Variants in EVA1A observed in about 807,000 individuals in gnomAD.
The protein encoded by EVA1A is protein eva-1 homolog A.
A neutral mutation model predicts 9.8 loss-of-function variants in EVA1A; 7 were observed. The observed-to-expected ratio is 0.71, with a 90% CI of 0.41 to 1.34. The LOEUF is 1.34. Ranked by LOEUF, EVA1A falls within the 40% of genes most tolerant of loss-of-function variation. The pLI is 0.01. For missense variants in EVA1A, 206 were observed against 205.9 expected, an observed-to-expected ratio of 1.00 and a Z score of 0.00; for synonymous variants, 90 against 85.6, an observed-to-expected ratio of 1.05 and a Z score of -0.28.
At chr2:75,517,687 G>A in intron 3 of EVA1A, 2 of 657,702 alleles carry the variant, frequency 3.0e-6, no homozygotes, top group South Asian at 1.8e-5. Context: ...TCACACACAG[G>A]CAGCCTGTGT....
intron 1 of EVA1A, among the ~76,000 whole-genome samples, chr2:75,549,464 T>A (rs1465910352): frequency 2.0e-5 from 3 of 152,116 alleles, no homozygotes; most frequent in Admixed American, 6.5e-5. Context: ...GAGAGTGCCC[T>A]GTCTGTCCAT....
intron 3 of EVA1A, among the ~76,000 whole-genome samples, chr2:75,504,753 A>G (rs1230327580): frequency 2.8e-5 from 4 of 144,236 alleles, no homozygotes; most frequent in African/African-American, 7.6e-5. Context: ...GAGTGGAACA[A>G]TGAGAACACA....
At chr2:75,549,370 C>T (rs1676450221) in intron 1 of EVA1A, among the ~76,000 whole-genome samples, 1 of 152,188 alleles carries the variant, frequency 6.6e-6, no homozygotes, top group Non-Finnish European at 1.5e-5. Flanking sequence ...TGGGGAAGCA[C>T]TTCCACCACT....
intron 1 of EVA1A, among the ~76,000 whole-genome samples, chr2:75,568,468 ATTTT>A (rs1677067794): frequency 1.3e-5 from 2 of 151,454 alleles, no homozygotes; most frequent in Non-Finnish European, 2.9e-5. Flanking sequence ...TTTAATTTTT[ATTTT>A]ATTTTATTAT....
intron 1 of EVA1A, among the ~76,000 whole-genome samples, chr2:75,535,760 T>C (rs764994195): frequency 6.6e-6 from 1 of 152,092 alleles, no homozygotes; most frequent in South Asian, 2.1e-4. Flanking sequence ...AGTGATATAA[T>C]AGACATTGGA....
chr2:75,544,205 T>C (rs1676243498), intron 1 of EVA1A, among the ~76,000 whole-genome samples: 1 of 152,238 alleles, frequency 6.6e-6, no homozygotes, highest in Non-Finnish European at 1.5e-5. Context: ...CAAGTATTCT[T>C]ATGCTGTAAA....
At chr2:75,514,799 A>T (rs1674946956) in intron 3 of EVA1A, among the ~76,000 whole-genome samples, 1 of 152,150 alleles carries the variant, frequency 6.6e-6, no homozygotes, top group African/African-American at 2.4e-5. Context: ...CTATATCCCT[A>T]ATTCTTTCCT....
At chr2:75,514,905 CA>C (rs757535375) in intron 3 of EVA1A, among the ~76,000 whole-genome samples, 15 of 152,148 alleles carry the variant, frequency 9.9e-5, no homozygotes, top group Non-Finnish European at 1.9e-4. Context: ...GAGGTTGTAG[CA>C]ATTCACAATT....
In EVA1A at chr2:75,503,447, G is replaced by A. The variant is rs1431393543; in HGVS notation, c.86-9838C>T. On this transcript the variant is annotated intron_variant, in intron 3 of 3. Coordinates refer to ENST00000393913, the MANE Select transcript of EVA1A (RefSeq NM_001135032.2). ...TCCTGCAGGGTCATTGTTTTCACGG[G>A]CAGGAAGAGGCCCTATGTAGAGGTC... 2.0e-5 allele frequency among the ~76,000 whole-genome samples: 3 copies of A among 152,142 alleles called. No individual in the cohort carries two copies. In the East Asian group the frequency reaches 5.8e-4, roughly 29 times the overall value.
At chr2:75,568,798 C>T (rs1340597482) in intron 1 of EVA1A, among the ~76,000 whole-genome samples, 1 of 152,222 alleles carries the variant, frequency 6.6e-6, no homozygotes, top group Non-Finnish European at 1.5e-5. Flanking sequence ...TTCTGTTCCT[C>T]TTTATGGCTG....
chr2:75,525,849 G>A (rs1321800999), intron 1 of EVA1A, among the ~76,000 whole-genome samples: 5 of 152,204 alleles, frequency 3.3e-5, no homozygotes, highest in Non-Finnish European at 7.3e-5. Flanking sequence ...TGTTACAGCA[G>A]GGCTCTAACA....
rs138352720 is a variant in EVA1A at position 75,556,321 on chromosome 2, C to T, written c.-192+4359G>A. On this transcript the variant is annotated intron_variant, in intron 1 of 3. Transcript: ENST00000393913. ...TAGAACTAGAGACACAAAGCAGGGGCCAGCTTCATTAGAAAGTCTGCTGCA... is the reference window on the plus strand; with the variant it reads ...TAGAACTAGAGACACAAAGCAGGGGTCAGCTTCATTAGAAAGTCTGCTGCA... Among the ~76,000 whole-genome samples, 868 of 152,290 alleles carry T rather than the reference C, an allele frequency of 5.7e-3. 9 individuals are homozygous for T. Among genetic ancestry groups the T allele is most frequent in the South Asian group, 0.012 (60 of 4,816 alleles).
chr2:75,524,767 CTAAGGAA>C (rs1675362154), intron 1 of EVA1A, among the ~76,000 whole-genome samples: 1 of 152,046 alleles, frequency 6.6e-6, no homozygotes, highest in African/African-American at 2.4e-5. Context: ...CCTTCTGTCT[CTAAGGAA>C]TTTTCACCTG....
intron 1 of EVA1A, among the ~76,000 whole-genome samples, chr2:75,531,958 G>A (rs1442982332): frequency 1.3e-5 from 2 of 152,000 alleles, no homozygotes; most frequent in African/African-American, 2.4e-5. Flanking sequence ...ACAAGATCGC[G>A]ACCATCCTGG....
At chr2:75,567,112 C>A (rs542513014) in intron 1 of EVA1A, among the ~76,000 whole-genome samples, 80 of 152,138 alleles carry the variant, frequency 5.3e-4, no homozygotes, top group South Asian at 4.8e-3. Context: ...GATCCCAAGT[C>A]ACAATATACA....
intron 1 of EVA1A, among the ~76,000 whole-genome samples, chr2:75,528,659 C>T (rs954006399): frequency 6.6e-6 from 1 of 152,206 alleles, no homozygotes; most frequent in African/African-American, 2.4e-5. Context: ...CCTAGCCCTA[C>T]TCCCACCTGA....
intron 3 of EVA1A, among the ~76,000 whole-genome samples, chr2:75,496,805 T>G (rs1200159787): frequency 6.6e-6 from 1 of 152,134 alleles, no homozygotes; most frequent in Non-Finnish European, 1.5e-5. Flanking sequence ...AAGGCTACAG[T>G]AAGCAAACAG....
At chr2:75,536,820 G>A (rs527277955) in intron 1 of EVA1A, among the ~76,000 whole-genome samples, 4 of 151,302 alleles carry the variant, frequency 2.6e-5, no homozygotes, top group East Asian at 1.9e-4. Flanking sequence ...TAACCCCCCC[G>A]CTCCAAAAAA....
At chr2:75,555,336 T>TCTCTCTCTCTCCCTCTCTCTCC (rs766586263) in intron 1 of EVA1A, among the ~76,000 whole-genome samples, 1 of 102,744 alleles carries the variant, frequency 9.7e-6, no homozygotes, top group African/African-American at 3.0e-5. Flanking sequence ...TCTCTCTCTC[T>TCTCTCTCTCTCCCTCTCTCTCC]CCCCCATCTC....
Sources: allele counts gnomAD v4.1 joint callset (sites outside exome capture counted in the v4.1 genomes callset), GRCh38; gene constraint gnomAD v4.1.1; transcripts MANE v1.5; gene names NCBI Gene and HGNC (gene_info 2026-07-23, HGNC 2026-07-21).